The following APBB2 variants were observed in gnomAD, a reference collection of about 807,000 sequenced individuals.
The protein encoded by APBB2 is Fe65-like 1.
In APBB2, 38 loss-of-function variants were observed where a neutral mutation model predicts 82.5. The observed-to-expected ratio is 0.46, with a 90% CI of 0.36 to 0.60. The LOEUF is 0.60. Ranked by LOEUF, APBB2 falls within the 20% of genes least tolerant of loss-of-function variation. The pLI is 0.00. For synonymous variants in APBB2, 341 were observed against 368.2 expected (o/e 0.93, Z 0.85); for missense variants, 772 against 972.3 (o/e 0.79, Z 2.74).
At chr4:40,976,776 T>C (rs1320856849) in intron 6 of APBB2, among the ~76,000 whole-genome samples, 2 of 152,164 alleles carry the variant, frequency 1.3e-5, no homozygotes, top group African/African-American at 4.8e-5. Context: ...AGGTGGCTCA[T>C]GCCTGTAATT....
At chr4:41,165,479 T>TTC (rs1327918038) in intron 1 of APBB2, among the ~76,000 whole-genome samples, 3 of 152,130 alleles carry the variant, frequency 2.0e-5, no homozygotes, top group African/African-American at 7.2e-5. Context: ...AATCGGTTTT[T>TTC]TCTCTCTCTC....
chr4:41,197,265 G>C, intron 1 of APBB2, among the ~76,000 whole-genome samples: 1 of 152,122 alleles, frequency 6.6e-6, no homozygotes, highest in Non-Finnish European at 1.5e-5. Context: ...TTGTTTTCAA[G>C]AGAGTATATG....
chr4:40,963,852 A>G (rs1036472445), intron 6 of APBB2, among the ~76,000 whole-genome samples: 6 of 152,232 alleles, frequency 3.9e-5, no homozygotes, highest in African/African-American at 7.2e-5. Flanking sequence ...CCTGTGTTGC[A>G]GACATGCTTT....
rs191023005 is a variant in APBB2, at chr4:41,053,450, T to G, written c.-51+12126A>C. On this transcript the variant is annotated intron_variant, in intron 4 of 17. Coordinates refer to ENST00000508593, the MANE Select transcript of APBB2 (RefSeq NM_004307.2). ...AGCAATAGAAAATTCCAGGATAACT[T>G]TTTTCTATAAATGAACAGAACCAGC... Among the ~76,000 whole-genome samples the G allele has an allele frequency of 5.3e-5, 8 of 152,208 alleles. No homozygotes were observed. The East Asian group carries it at 1.5e-3, about 29-fold the overall frequency.
intron 11 of APBB2, 82 bp from the exon 12 acceptor site, chr4:40,890,573 G>GT: frequency 6.4e-7 from 1 of 1,551,416 alleles, no homozygotes; most frequent in East Asian, 2.3e-5. Context: ...TAGGAATGCC[G>GT]TGTCAACCAT....
At chr4:40,982,408 A>AGGAAAGGAAAGGAAAG (rs1560449657) in intron 6 of APBB2, among the ~76,000 whole-genome samples, 38 of 91,668 alleles carry the variant, frequency 4.1e-4, no homozygotes, top group African/African-American at 1.6e-3. Context: ...AAGGAAAGAA[A>AGGAAAGGAAAGGAAAG]GAAAGAAAGA....
chr4:40,988,401 G>A (rs1267411550), intron 6 of APBB2, among the ~76,000 whole-genome samples: 1 of 151,820 alleles, frequency 6.6e-6, no homozygotes, highest in Admixed American at 6.6e-5. Flanking sequence ...TTTGGGAGGT[G>A]GAGGCAGGCG....
intron 16 of APBB2, 78 bp downstream of exon 16, chr4:40,823,566 C>T: frequency 2.9e-6 from 3 of 1,022,500 alleles, no homozygotes; most frequent in Admixed American, 3.5e-5. Context: ...TGACTATGTT[C>T]CTAAGTTCCA....
chr4:40,906,464 C>CAAAAAAAAAAAAAAAAAAAA (rs5857755), intron 10 of APBB2, among the ~76,000 whole-genome samples: 3 of 67,998 alleles, frequency 4.4e-5, no homozygotes, highest in African/African-American at 1.3e-4. Context: ...AAACCTGTCT[C>CAAAAAAAAAAAAAAAAAAAA]AAAAAAAAAA....
chr4:40,951,475 G>A (rs1043721117), intron 6 of APBB2, among the ~76,000 whole-genome samples: 2 of 152,242 alleles, frequency 1.3e-5, no homozygotes, highest in African/African-American at 4.8e-5. Context: ...GGAAACCAGA[G>A]GAGAGTCTGC....
intron 6 of APBB2, among the ~76,000 whole-genome samples, chr4:40,969,437 C>A (rs922105468): frequency 3.9e-5 from 6 of 152,146 alleles, no homozygotes; most frequent in African/African-American, 1.4e-4. Context: ...GAGTTTGGAG[C>A]AGGGAAATCC....
At chr4:40,855,564 G>A (rs945691889) in intron 12 of APBB2, among the ~76,000 whole-genome samples, 4 of 151,956 alleles carry the variant, frequency 2.6e-5, no homozygotes, top group Non-Finnish European at 2.9e-5. Context: ...GTGAAATCCC[G>A]TCTCTACTCA....
chr4:41,193,670 A>T, intron 1 of APBB2: 2 of 489,330 alleles, frequency 4.1e-6, no homozygotes, highest in Non-Finnish European at 5.3e-6. Flanking sequence ...TTGGATACAG[A>T]ACCACCACTG....
chr4:41,070,761 A>G (rs1733579597), intron 3 of APBB2, among the ~76,000 whole-genome samples: 1 of 152,194 alleles, frequency 6.6e-6, no homozygotes, highest in African/African-American at 2.4e-5. Flanking sequence ...GAAAACATCA[A>G]ATCTGATTGT....
intron 10 of APBB2, among the ~76,000 whole-genome samples, chr4:40,909,191 C>T (rs1235599179): frequency 6.6e-6 from 1 of 152,186 alleles, no homozygotes; most frequent in African/African-American, 2.4e-5. Context: ...TGCCCCACAG[C>T]GACTCTCATT....
intron 12 of APBB2, among the ~76,000 whole-genome samples, chr4:40,849,725 CTTTT>C (rs758207803): frequency 3.2e-5 from 4 of 123,252 alleles, no homozygotes; most frequent in African/African-American, 6.1e-5. Context: ...ACTAAAGTTA[CTTTT>C]TTTTTTTTTT....
intron 4 of APBB2, among the ~76,000 whole-genome samples, chr4:41,058,666 G>A (rs1322557918): frequency 6.6e-6 from 1 of 152,238 alleles, no homozygotes; most frequent in Non-Finnish European, 1.5e-5. Context: ...CATCTCAGTA[G>A]AGGGATGTGC....
intron 10 of APBB2, among the ~76,000 whole-genome samples, chr4:40,907,835 G>C (rs577340569): frequency 4.0e-5 from 6 of 151,740 alleles, no homozygotes; most frequent in African/African-American, 1.2e-4. Flanking sequence ...TTAAAAAAAG[G>C]TGGGTTTTTT....
At position 40,993,036 on chromosome 4, in the gene APBB2, T is replaced by A. The variant is rs374435717; in HGVS notation, c.835+20547A>T. On this transcript the variant is annotated intron_variant, in intron 6 of 17. Coordinates refer to ENST00000508593, the MANE Select transcript of APBB2 (RefSeq NM_004307.2). ...GAATTAATTTTCCATACCAGAATAT[T>A]TATAAAATCCAATTTTTGCTGAGCC... 2.6e-5 allele frequency among the ~76,000 whole-genome samples: 4 copies of A among 152,344 alleles called. No homozygotes were observed. The East Asian group carries it at 7.7e-4, about 29-fold the overall frequency.
Sources: gnomAD v4.1 joint callset for allele counts (sites outside exome capture counted in the v4.1 genomes callset) on GRCh38, gnomAD v4.1.1 for gene constraint, MANE v1.5 for transcripts, NCBI Gene and HGNC (gene_info 2026-07-23, HGNC 2026-07-21) for gene names.